SLC8B1: variants seen among roughly 807,000 people sequenced by gnomAD.
The protein encoded by SLC8B1 is mitochondrial sodium/calcium exchanger protein.
Under a neutral mutation model 63.4 loss-of-function variants are expected in SLC8B1, and 52 were observed. That is an observed-to-expected ratio of 0.82 (90% confidence interval 0.66 to 1.03). SLC8B1 has a LOEUF of 1.03. Among genes scored for constraint, SLC8B1 ranks in the 50% least tolerant of loss-of-function variants. SLC8B1 has a pLI of 0.00. For synonymous variants in SLC8B1, 336 were observed against 323.9 expected (o/e 1.04, Z -0.40); for missense variants, 657 against 741.7 (o/e 0.89, Z 1.33).
In SLC8B1 at chr12:113,316,587, G is replaced by T; in HGVS notation, c.932C>A (p.Pro311His). ...CCTTCTCCACTTCATGTAATCCAGG[G>T]GATTGAGGGCCCGGACCAGGATCTG... The part of the protein sequence containing the change: ...TAQILVRALN[P>H]LDYMKWRRKS... The change falls in exon 10 of 16, where the codon CCC becomes CAC. Residue 311 changes from proline to histidine, a missense_variant. Physicochemically the swap from Pro to His is moderately conservative, Grantham distance 77. Coordinates refer to ENST00000680972, the MANE Select transcript of SLC8B1 (RefSeq NM_001358345.2). The T allele has an allele frequency of 6.2e-7, 1 of 1,614,206 alleles. No individual in the cohort carries two copies. The highest frequency in any genetic ancestry group is 8.5e-7 in the Non-Finnish European group (1 of 1,180,044).
intron 2 of SLC8B1, among the ~76,000 whole-genome samples, chr12:113,323,617 G>T (rs1208029826): frequency 1.3e-5 from 2 of 152,070 alleles, no homozygotes; most frequent in Non-Finnish European, 2.9e-5. Context: ...GCTGAAGCAG[G>T]AGAATCGCTT....
intron 15 of SLC8B1, among the ~76,000 whole-genome samples, chr12:113,301,240 C>A (rs1352401700): frequency 1.3e-5 from 2 of 151,602 alleles, no homozygotes; most frequent in East Asian, 1.9e-4. Flanking sequence ...ACAGTAGAGT[C>A]TGGGTGGTGG....
chr12:113,307,904 G>A, intron 12 of SLC8B1, 60 bp from the exon 13 acceptor site: 1 of 1,578,380 alleles, frequency 6.3e-7, no homozygotes, highest in Non-Finnish European at 8.6e-7. Context: ...CACAGCCTCA[G>A]TTCCTCACCT....
chr12:113,318,865 G>T, intron 8 of SLC8B1, 99 bp downstream of exon 8: 1 of 849,290 alleles, frequency 1.2e-6, no homozygotes, highest in Non-Finnish European at 1.9e-6. Flanking sequence ...AGATGAGCTT[G>T]GTGGGGACAA....
At chr12:113,304,191 G>C in intron 15 of SLC8B1, 130 bp downstream of exon 15, 1 of 758,158 alleles carries the variant, frequency 1.3e-6, no homozygotes, top group Non-Finnish European at 2.3e-6. Context: ...AGATGTCCTA[G>C]CTCACTCAAA....
At chr12:113,318,925 C>T in intron 8 of SLC8B1, 39 bp downstream of exon 8, 1 of 1,540,636 alleles carries the variant, frequency 6.5e-7, no homozygotes, top group Non-Finnish European at 9.0e-7. Flanking sequence ...GGCCCCCAGT[C>T]CCCACTGGTC....
At chr12:113,333,647 C>T (rs1957088314) in intron 1 of SLC8B1, among the ~76,000 whole-genome samples, 1 of 152,058 alleles carries the variant, frequency 6.6e-6, no homozygotes, top group Admixed American at 6.6e-5. Context: ...CTGGAAATGT[C>T]ACCCCCCCGC....
chr12:113,316,741 C>T (rs1164240773), intron 9 of SLC8B1, 85 bp from the exon 10 acceptor site: 1 of 1,573,284 alleles, frequency 6.4e-7, no homozygotes, highest in Admixed American at 1.7e-5. Flanking sequence ...CACCAGTCCT[C>T]CCAGCCCTAA....
chr12:113,315,995 C>A (rs1253093878), intron 10 of SLC8B1, among the ~76,000 whole-genome samples: 2 of 152,168 alleles, frequency 1.3e-5, no homozygotes, highest in Non-Finnish European at 2.9e-5. Context: ...GAGGCCGAGG[C>A]GGGCGGATCA....
Position 113,320,293 on chromosome 12 carries a change from G to T in SLC8B1, c.694+38C>A. 6.2e-7 allele frequency: 1 copy of T among 1,607,072 alleles called. No homozygotes were observed. The highest frequency in any genetic ancestry group is 8.5e-7 in the Non-Finnish European group (1 of 1,176,296). ...CACCTCCTAAACCTCCTGCCCATCA[G>T]CCCTGGGATCTCACGCCTGAGCCCC... is the stretch of plus-strand genomic sequence containing the variant. On this transcript the variant is annotated intron_variant, in intron 7 of 15. Coordinates refer to ENST00000680972, the MANE Select transcript of SLC8B1 (RefSeq NM_001358345.2). This position sits in a 1 kb window ranked among gnomAD's most constrained non-coding sequence, Gnocchi z 5.3.
intron 15 of SLC8B1, among the ~76,000 whole-genome samples, chr12:113,301,874 T>G (rs1337756363): frequency 6.6e-6 from 1 of 152,074 alleles, no homozygotes; most frequent in Non-Finnish European, 1.5e-5. Context: ...GACTCTGAAC[T>G]TGGGAGGATG....
chr12:113,323,965 C>A (rs1324257500), intron 2 of SLC8B1, among the ~76,000 whole-genome samples: 2 of 152,040 alleles, frequency 1.3e-5, no homozygotes, highest in Non-Finnish European at 2.9e-5. Context: ...CTGCCCCAAC[C>A]CCTCAATCTT....
chr12:113,313,558 T>C (rs1043999955), intron 11 of SLC8B1, among the ~76,000 whole-genome samples: 1 of 151,954 alleles, frequency 6.6e-6, no homozygotes, highest in African/African-American at 2.4e-5. Flanking sequence ...CTGGCCGACA[T>C]AGTGAAACCC....
intron 7 of SLC8B1, among the ~76,000 whole-genome samples, chr12:113,319,555 C>T (rs536455807): frequency 2.6e-4 from 39 of 152,300 alleles, no homozygotes; most frequent in Admixed American, 2.3e-3. Context: ...CTGGGCTCCA[C>T]CACCCCCTTC....
intron 1 of SLC8B1, among the ~76,000 whole-genome samples, 171 bp from the exon 2 acceptor site, chr12:113,333,131 G>T (rs1369791578): frequency 6.6e-6 from 1 of 152,242 alleles, no homozygotes; most frequent in African/African-American, 2.4e-5. Flanking sequence ...CCAAGGCCCT[G>T]CCCATTCAGC....
At chr12:113,311,405 G>A (rs1036873256) in intron 11 of SLC8B1, among the ~76,000 whole-genome samples, 7 of 151,992 alleles carry the variant, frequency 4.6e-5, no homozygotes, top group African/African-American at 9.7e-5. Flanking sequence ...AGCTGAGATC[G>A]CACCACTGCA....
At chr12:113,307,665 C>T in intron 13 of SLC8B1, 26 bp downstream of exon 13, 1 of 1,605,570 alleles carries the variant, frequency 6.2e-7, no homozygotes, top group East Asian at 2.2e-5. Flanking sequence ...CTCACCCCCA[C>T]TCAACCCCAC....
At chr12:113,319,183 C>CT in intron 7 of SLC8B1, 112 bp from the exon 8 acceptor site, 1 of 769,876 alleles carries the variant, frequency 1.3e-6, no homozygotes, top group Non-Finnish European at 2.2e-6. Flanking sequence ...TGTGTTAGCC[C>CT]ATCCAGGTAC....
At chr12:113,307,648 G>A in intron 13 of SLC8B1, 43 bp downstream of exon 13, 2 of 1,593,752 alleles carry the variant, frequency 1.3e-6, no homozygotes, top group Non-Finnish European at 1.7e-6. Flanking sequence ...GCTAAGATGT[G>A]GCCGCACTCA....
Sources: allele counts gnomAD v4.1 joint callset (sites outside exome capture counted in the v4.1 genomes callset), GRCh38; gene constraint gnomAD v4.1.1; non-coding constraint Gnocchi (gnomAD v3.1); transcripts MANE v1.5; gene names NCBI Gene and HGNC (gene_info 2026-07-23, HGNC 2026-07-21).